TET1: variants seen among roughly 807,000 people sequenced by gnomAD.
The protein encoded by TET1 is tet methylcytosine dioxygenase 1.
Under a neutral mutation model 148.7 loss-of-function variants are expected in TET1, and 13 were observed. The ratio of observed to expected loss-of-function variants is 0.09; its 90% CI spans 0.06 to 0.14. The LOEUF (loss-of-function observed/expected upper bound fraction) is 0.14. Among genes scored for constraint, TET1 ranks in the 10% least tolerant of loss-of-function variants. The probability of loss-of-function intolerance (pLI) is 1.00; values close to 1 mark genes in which losing one functional copy is unlikely to be tolerated. For missense variants in TET1, 2,182 were observed against 2,553.8 expected, an observed-to-expected ratio of 0.85 and a Z score of 3.14; for synonymous variants, 907 against 937.2, an observed-to-expected ratio of 0.97 and a Z score of 0.59.
At chr10:68,587,468 A>G (rs1344337546) in intron 2 of TET1, among the ~76,000 whole-genome samples, 1 of 152,212 alleles carries the variant, frequency 6.6e-6, no homozygotes, top group Non-Finnish European at 1.5e-5. Context: ...ACTGGGCAAC[A>G]CAGAAGTTAA....
At chr10:68,681,884 C>T (rs1413525577) in intron 9 of TET1, among the ~76,000 whole-genome samples, 2 of 149,802 alleles carry the variant, frequency 1.3e-5, no homozygotes, top group African/African-American at 2.5e-5. Context: ...AGGAGAATCA[C>T]TTGAACCCAG....
chr10:68,615,020 C>T (rs2054268661), intron 3 of TET1, among the ~76,000 whole-genome samples: 2 of 151,960 alleles, frequency 1.3e-5, no homozygotes, highest in Admixed American at 6.6e-5. Context: ...CTGCATCCTC[C>T]GTCTCCCAGG....
rs373147077 is a variant in TET1 at position 68,594,579 on chromosome 10, T to C, written c.1915-6402T>C. 5.3e-5 allele frequency among the ~76,000 whole-genome samples: 8 copies of C among 152,222 alleles called. No individual in the cohort carries two copies. In the East Asian group the frequency reaches 1.5e-3, roughly 29 times the overall value. On this transcript the variant is annotated intron_variant, in intron 2 of 11. Transcript: ENST00000373644. ...AAGGCTCTTCTAGTGGACCAACCGC[T>C]TACATCCGGACTATTACTCCACCCA...
rs373288968 is a variant in TET1, at chr10:68,681,450, A to G, written c.4876A>G (p.Ile1626Val). ...GAGTTTGGCTACACGATTAGCTCCAATTTATAAGCAGTATGCTCCAGTAGC... is the reference window on the plus strand; with the variant it reads ...GAGTTTGGCTACACGATTAGCTCCAGTTTATAAGCAGTATGCTCCAGTAGC... ...LQSLATRLAP[I>V]YKQYAPVAYQ... Residue 1626 changes from isoleucine to valine, a missense_variant, in exon 9 of 12, where the codon ATT becomes GTT. Physicochemically the swap from Ile to Val is conservative, Grantham distance 29. This residue lies in a region of TET1 where 55 missense variants were observed against 149.8 expected (regional missense o/e 0.37). Coordinates refer to ENST00000373644, the MANE Select transcript of TET1 (RefSeq NM_030625.3). 3 of 1,613,840 alleles carry G rather than the reference A, an allele frequency of 1.9e-6. No homozygotes were observed. In the African/African-American group the frequency reaches 4.0e-5, roughly 22 times the overall value.
In TET1 at chr10:68,644,920, C is replaced by T; in HGVS notation, c.2191C>T (p.Pro731Ser). 5.0e-6 allele frequency: 8 copies of T among 1,611,620 alleles called. No homozygotes were observed. The highest frequency in any genetic ancestry group is 6.8e-6 in the Non-Finnish European group (8 of 1,179,300). The change falls in exon 4 of 12, where the codon CCA becomes TCA. Residue 731 changes from proline to serine, a missense_variant. Pro to Ser is a moderately conservative substitution (Grantham distance 74). Around this residue, in one of 11 missense-constraint regions of TET1, gnomAD observed 226 missense variants for 307.4 expected, o/e 0.74. Coordinates refer to ENST00000373644, the MANE Select transcript of TET1 (RefSeq NM_030625.3). ...HVKGDFSANVPEAEKSKNSEV... is the reference protein window; with the variant it reads ...HVKGDFSANVSEAEKSKNSEV... ...GAAAGGAGATTTTAGTGCTAATGTC[C>T]CAGAAGCTGAAAAATCGAAAAACTC...
chr10:68,601,458 T>C (rs762129335), intron 3 of TET1, among the ~76,000 whole-genome samples: 16 of 152,214 alleles, frequency 1.1e-4, no homozygotes, highest in Non-Finnish European at 2.1e-4. Context: ...TGTATGATTC[T>C]TTTCCAAAGA....
chr10:68,640,551 T>C (rs1171390385), intron 3 of TET1, among the ~76,000 whole-genome samples: 215 of 95,006 alleles, frequency 2.3e-3, no homozygotes, highest in African/African-American at 7.9e-3. Flanking sequence ...TTTCTTTTTT[T>C]TTTTTTTTTT....
At chr10:68,633,408 T>C (rs946096306) in intron 3 of TET1, among the ~76,000 whole-genome samples, 3 of 151,880 alleles carry the variant, frequency 2.0e-5, no homozygotes, top group Non-Finnish European at 2.9e-5. Flanking sequence ...TGAGAGACAG[T>C]CTTCCTCTGT....
chr10:68,570,057 T>C (rs796080248), intron 1 of TET1, among the ~76,000 whole-genome samples: 17 of 152,256 alleles, frequency 1.1e-4, no homozygotes, highest in African/African-American at 4.1e-4. Flanking sequence ...TGGGGTGCAA[T>C]TGGTCCTGTC....
Position 68,690,959 on chromosome 10 carries a change from G to A in TET1, c.5556G>A (p.Pro1852=), listed in dbSNP as rs761830025. The A allele has an allele frequency of 8.7e-6, 14 of 1,614,056 alleles. No individual in the cohort carries two copies. The highest frequency in any genetic ancestry group is 6.7e-5 in the East Asian group (3 of 44,892). ...KEASPGFSWS[P]KTASATPAPL... is the part of the protein sequence containing the mutation. ...CATCTCCAGGCTTCTCCTGGTCCCCGAAGACTGCTTCAGCCACACCAGCTC... is the reference window on the plus strand; with the variant it reads ...CATCTCCAGGCTTCTCCTGGTCCCCAAAGACTGCTTCAGCCACACCAGCTC... Residue 1852 remains proline (P), a synonymous_variant, in exon 12 of 12, where the codon CCG becomes CCA. Coordinates refer to ENST00000373644, the MANE Select transcript of TET1 (RefSeq NM_030625.3).
At chr10:68,608,056 G>C (rs111681693) in intron 3 of TET1, among the ~76,000 whole-genome samples, 4,823 of 151,800 alleles carry the variant, frequency 0.032, 128 homozygotes, top group African/African-American at 0.076. Context: ...AGCCTCCGGA[G>C]TAGCTGGGAC....
intron 8 of TET1, among the ~76,000 whole-genome samples, chr10:68,676,160 T>TGA (rs1217784126): frequency 1.5e-5 from 2 of 131,540 alleles, no homozygotes; most frequent in African/African-American, 3.4e-5. Context: ...TGGCCTTTTG[T>TGA]GTGTGTGTGT....
chr10:68,686,579 C>T lies in TET1; in HGVS notation c.5276C>T (p.Ala1759Val). The T allele has an allele frequency of 1.2e-6, 2 of 1,614,148 alleles. No individual in the cohort carries two copies. Among genetic ancestry groups the T allele is most frequent in the Middle Eastern group, 1.6e-4 (1 of 6,062 alleles). The change falls in exon 11 of 12, where the codon GCT (alanine) becomes GTT (valine). Residue 1759 changes from alanine (A) to valine (V), a missense_variant. This residue lies in a region of TET1 where 380 missense variants were observed against 387.9 expected (regional missense o/e 0.98). Transcript: ENST00000373644. ...QPVPRSGKKR[A>V]AMMTEVLAHK... The stretch of plus-strand genomic sequence containing the variant: ...GTTCCCCGTTCTGGAAAGAAGAGGG[C>T]TGCGATGATGACAGAGGTTCTTGCA...
chr10:68,589,662 AT>A (rs57278279), intron 2 of TET1, among the ~76,000 whole-genome samples: 1,384 of 109,650 alleles, frequency 0.013, 15 homozygotes, highest in African/African-American at 0.047. Flanking sequence ...AATATCTCCA[AT>A]TTTTTTTTTT....
At chr10:68,601,127 G>A (rs780638213) in intron 3 of TET1, 93 bp downstream of exon 3, 5 of 1,099,986 alleles carry the variant, frequency 4.5e-6, no homozygotes, top group Non-Finnish European at 5.2e-6. Flanking sequence ...CAGTATATGT[G>A]AATTCTCCCA....
chr10:68,566,898 C>A (rs932382934), intron 1 of TET1, among the ~76,000 whole-genome samples: 2 of 150,724 alleles, frequency 1.3e-5, no homozygotes, highest in African/African-American at 2.4e-5. Context: ...ACCTATCATG[C>A]GCCAGCCCTG....
chr10:68,644,662 T>C (rs199754989), intron 3 of TET1, 36 bp from the exon 4 acceptor site: 70 of 1,514,734 alleles, frequency 4.6e-5, no homozygotes, highest in Non-Finnish European at 6.0e-5. Flanking sequence ...TTCAGATATT[T>C]AAGTAGATGA....
intron 2 of TET1, among the ~76,000 whole-genome samples, chr10:68,582,222 C>T (rs1590167786): frequency 6.6e-6 from 1 of 152,052 alleles, no homozygotes; most frequent in Non-Finnish European, 1.5e-5. Flanking sequence ...GCCTCAGCCT[C>T]CCGAGTAGCT....
At chr10:68,664,107 A>G (rs1170503532) in intron 6 of TET1, among the ~76,000 whole-genome samples, 2 of 151,992 alleles carry the variant, frequency 1.3e-5, no homozygotes, top group African/African-American at 4.8e-5. Context: ...TGCTAGGATA[A>G]CAGGCATGAG....
Sources: allele counts gnomAD v4.1 joint callset (sites outside exome capture counted in the v4.1 genomes callset), GRCh38; gene constraint gnomAD v4.1.1; regional missense constraint gnomAD v4.1.1; transcripts MANE v1.5; gene names NCBI Gene and HGNC (gene_info 2026-07-23, HGNC 2026-07-21).